Variants in UBTD2 observed in about 807,000 individuals in gnomAD.
The protein encoded by UBTD2 is ubiquitin domain-containing protein 2.
UBTD2 carries 9 observed loss-of-function variants against 19.8 expected under a neutral mutation model. That is an observed-to-expected ratio of 0.46 (90% CI 0.27 to 0.79). The LOEUF is 0.79. UBTD2 is among the 30% of genes least tolerant of loss of function. UBTD2 has a pLI of 0.14. For synonymous variants in UBTD2, 98 were observed against 103.9 expected (o/e 0.94, Z 0.35); for missense variants, 250 against 300.4 (o/e 0.83, Z 1.24).
chr5:172,240,166 C>G (rs1300020694), intron 1 of UBTD2, among the ~76,000 whole-genome samples: 3 of 152,204 alleles, frequency 2.0e-5, no homozygotes, highest in Non-Finnish European at 2.9e-5. Flanking sequence ...CCTATCTAAT[C>G]TACCACTTAA....
rs149356191 is a variant in UBTD2 at position 172,233,536 on chromosome 5, C to T, written c.307+586G>A. Reference sequence around the variant, plus strand: ...CTTACAGTTATCCTTAAAAGAGTCACATTCCTACGCAAAAGAGAGAAGTTC... The same window carrying T: ...CTTACAGTTATCCTTAAAAGAGTCATATTCCTACGCAAAAGAGAGAAGTTC... On this transcript the variant is annotated intron_variant, in intron 2 of 2. Transcript: ENST00000393792. Among the ~76,000 whole-genome samples, 812 of 152,266 alleles carry T rather than the reference C, an allele frequency of 5.3e-3. 9 individuals carry two copies. Among genetic ancestry groups the T allele is most frequent in the African/African-American group, 0.018 (760 of 41,548 alleles).
rs77455843 is a variant in UBTD2, at chr5:172,212,160, C to T, written c.375G>A (p.Pro125=). Residue 125 remains proline (P), a synonymous_variant, in exon 3 of 3, where the codon CCG becomes CCA. Coordinates refer to ENST00000393792, the MANE Select transcript of UBTD2 (RefSeq NM_152277.3). ...RYQLPVYCLA[P]PINMIEEKSD... The stretch of plus-strand genomic sequence containing the variant: ...TCTTTTCCTCTATCATGTTGATTGG[C>T]GGTGCCAAGCAATACACTGGAAGCT... The T allele has an allele frequency of 1.1e-3, 1,805 of 1,614,082 alleles. 16 individuals carry two copies. The African/African-American group carries it at 0.022, about 20-fold the overall frequency.
chr5:172,258,396 G>C (rs536037194), intron 1 of UBTD2, among the ~76,000 whole-genome samples: 79 of 152,312 alleles, frequency 5.2e-4, no homozygotes, highest in African/African-American at 1.8e-3. Context: ...CTGTAGCCTT[G>C]AAGTATAGTT....
At chr5:172,239,248 G>T (rs2113899172) in intron 1 of UBTD2, among the ~76,000 whole-genome samples, 1 of 152,238 alleles carries the variant, frequency 6.6e-6, no homozygotes, top group Non-Finnish European at 1.5e-5. Flanking sequence ...AACAAGGATG[G>T]CTTAAAATAA....
At position 172,237,297 on chromosome 5, in the gene UBTD2, T is replaced by C. The variant is rs1047658576; in HGVS notation, c.71-2939A>G. ...TTAGTAGAGACGGGGTTTCACCATA[T>C]TGGCCAGGATAGTTTCAATTTCTTG... On this transcript the variant is annotated intron_variant, in intron 1 of 2. Transcript: ENST00000393792. Among the ~76,000 whole-genome samples, 8 of 152,208 alleles carry C rather than the reference T, an allele frequency of 5.3e-5. No individual in the cohort carries two copies. In the East Asian group the frequency reaches 7.7e-4, roughly 15 times the overall value.
chr5:172,212,543 T>C (rs1771471667), intron 2 of UBTD2, among the ~76,000 whole-genome samples: 1 of 151,106 alleles, frequency 6.6e-6, no homozygotes, highest in African/African-American at 2.4e-5. Context: ...GTAGAGAACA[T>C]TTAAATTACA....
rs1581205499 is a variant in UBTD2 at position 172,211,609 on chromosome 5, A to C, written c.*221T>G. On this transcript the variant is annotated 3_prime_UTR_variant, in exon 3 of 3. Coordinates refer to ENST00000393792, the MANE Select transcript of UBTD2 (RefSeq NM_152277.3). ...ATTTCTTAACTGCCTTTCAAATTAG[A>C]AATTGTAATTACATGAGTCTCAAAG... is the stretch of plus-strand genomic sequence containing the variant. 8.7e-6 allele frequency: 4 copies of C among 458,818 alleles called. No homozygotes were observed. The East Asian group carries it at 1.3e-4, about 15-fold the overall frequency. 28.4% of individuals were successfully genotyped at this position (458,818 alleles called of 1,614,324 possible). A position where few individuals can be genotyped will look rare whatever the true frequency, so the allele number is the denominator to read the frequency against.
chr5:172,254,705 G>A, intron 1 of UBTD2: 3 of 388,306 alleles, frequency 7.7e-6, no homozygotes, highest in South Asian at 5.9e-5. Context: ...GATGACCAAA[G>A]GGTGATTCTC....
At chr5:172,219,632 A>G (rs571719027) in intron 2 of UBTD2, among the ~76,000 whole-genome samples, 1 of 152,224 alleles carries the variant, frequency 6.6e-6, no homozygotes, top group African/African-American at 2.4e-5. Context: ...CTTTTTAAAA[A>G]TGAAAATGTG....
intron 2 of UBTD2, among the ~76,000 whole-genome samples, chr5:172,222,516 A>G (rs17074477): frequency 0.071 from 10,878 of 152,292 alleles, 535 homozygotes; most frequent in Middle Eastern, 0.12. Flanking sequence ...CCCATCACAG[A>G]TTTTAGTACA....
chr5:172,244,295 G>GTTTTTTT lies in UBTD2; in HGVS notation c.71-9944_71-9938dup, dbSNP rs1191361417. Reference sequence around the variant, plus strand: ...CAAGACTGTTTCCCCTTTCCTCCCAGTTTTTTTTTTTTTTTTTTGAGACAG... The same window carrying GTTTTTTT: ...CAAGACTGTTTCCCCTTTCCTCCCAGTTTTTTTTTTTTTTTTTTTTTTTTTGAGACAG... On this transcript the variant is annotated intron_variant, in intron 1 of 2. Coordinates refer to ENST00000393792, the MANE Select transcript of UBTD2 (RefSeq NM_152277.3). Among the ~76,000 whole-genome samples the GTTTTTTT allele has an allele frequency of 3.2e-3, 407 of 126,046 alleles. 16 individuals carry two copies. The highest frequency in any genetic ancestry group is 0.012 in the African/African-American group (385 of 33,116). 82.7% of individuals were successfully genotyped at this position (126,046 alleles called of 152,430 possible).
chr5:172,222,466 T>C (rs17644770), intron 2 of UBTD2, among the ~76,000 whole-genome samples: 14,628 of 152,284 alleles, frequency 0.096, 784 homozygotes, highest in South Asian at 0.16. Flanking sequence ...AGACTGTCCC[T>C]GATCTCCAGG....
chr5:172,241,227 A>C (rs1375618350), intron 1 of UBTD2, among the ~76,000 whole-genome samples: 1 of 152,042 alleles, frequency 6.6e-6, no homozygotes, highest in African/African-American at 2.4e-5. Context: ...AAGCCTGGCC[A>C]ACGTGGCAAA....
chr5:172,219,545 C>T (rs369576541), intron 2 of UBTD2, among the ~76,000 whole-genome samples: 7 of 152,246 alleles, frequency 4.6e-5, no homozygotes, highest in East Asian at 3.9e-4. Flanking sequence ...GTTGCATTAT[C>T]GCAGTGCTTT....
chr5:172,224,124 T>C (rs927343190), intron 2 of UBTD2, among the ~76,000 whole-genome samples: 4 of 151,930 alleles, frequency 2.6e-5, no homozygotes, highest in Admixed American at 6.6e-5. Context: ...CAACAGAAGA[T>C]AGATGGTGAT....
intron 1 of UBTD2, among the ~76,000 whole-genome samples, chr5:172,275,006 A>T (rs1755578844): frequency 6.6e-6 from 1 of 152,190 alleles, no homozygotes. Context: ...ACTGCACTCC[A>T]GCCTGTGCAA....
intron 2 of UBTD2, among the ~76,000 whole-genome samples, chr5:172,229,447 G>C (rs897539519): frequency 3.7e-5 from 5 of 135,678 alleles, no homozygotes; most frequent in Non-Finnish European, 6.0e-5. Flanking sequence ...CTTGCAGTGA[G>C]CCGAGATTGT....
intron 1 of UBTD2, among the ~76,000 whole-genome samples, chr5:172,271,085 C>T (rs1272434789): frequency 6.6e-6 from 1 of 152,112 alleles, no homozygotes; most frequent in Non-Finnish European, 1.5e-5. Context: ...ATTTCCTCTA[C>T]ATACAGAATG....
At chr5:172,276,640 ATTATGTTCC>A (rs1755608855) in intron 1 of UBTD2, among the ~76,000 whole-genome samples, 1 of 151,964 alleles carries the variant, frequency 6.6e-6, no homozygotes, top group African/African-American at 2.4e-5. Context: ...GGCCAGTTGC[ATTATGTTCC>A]TTAGGACAGA....
Sources: gnomAD v4.1 joint callset for allele counts (sites outside exome capture counted in the v4.1 genomes callset) on GRCh38, gnomAD v4.1.1 for gene constraint, MANE v1.5 for transcripts, NCBI Gene and HGNC (gene_info 2026-07-23, HGNC 2026-07-21) for gene names.